COL6A5: variants seen among roughly 807,000 people sequenced by gnomAD.
COL6A5 encodes the protein collagen alpha-5(VI) chain.
In COL6A5, 48 loss-of-function variants were observed where a neutral mutation model predicts 65.6. The ratio of observed to expected loss-of-function variants is 0.73; its 90% CI spans 0.58 to 0.93. The LOEUF (loss-of-function observed/expected upper bound fraction) is 0.93, where lower values mean the gene tolerates loss of function less well. Among genes scored for constraint, COL6A5 ranks in the 40% least tolerant of loss-of-function variants. COL6A5 has a pLI of 0.00. For synonymous variants in COL6A5, 291 were observed against 322.8 expected, an observed-to-expected ratio of 0.90 and a Z score of 1.05; for missense variants, 914 against 928.3, an observed-to-expected ratio of 0.98 and a Z score of 0.20.
intron 4 of COL6A5, among the ~76,000 whole-genome samples, chr3:130,446,847 G>A (rs1241168840): frequency 6.6e-6 from 1 of 152,100 alleles, no homozygotes; most frequent in Non-Finnish European, 1.5e-5. Context: ...CTTCGTTTAA[G>A]GAGAATTTTT....
chr3:130,423,091 G>A (rs775110140), intron 28 of COL6A5, among the ~76,000 whole-genome samples: 21 of 152,004 alleles, frequency 1.4e-4, no homozygotes, highest in East Asian at 3.9e-4. Flanking sequence ...TTTCTAAGGC[G>A]CGTATTAAAT....
chr3:130,371,755 T>C (rs1168241808), intron 1 of COL6A5, among the ~76,000 whole-genome samples: 2 of 152,178 alleles, frequency 1.3e-5, no homozygotes, highest in African/African-American at 4.8e-5. Context: ...TCTTCATGAC[T>C]GTAGGCAATG....
intron 1 of COL6A5, among the ~76,000 whole-genome samples, chr3:130,363,592 C>T: frequency 6.6e-6 from 1 of 152,194 alleles, no homozygotes; most frequent in South Asian, 2.1e-4. Context: ...CTCTTGAGAA[C>T]ATGCCTTGTT....
chr3:130,480,340 C>T (rs181822150), intron 7 of COL6A5, among the ~76,000 whole-genome samples: 13 of 151,816 alleles, frequency 8.6e-5, no homozygotes, highest in Admixed American at 2.6e-4. Flanking sequence ...AGAAGCTTAT[C>T]GTCATAGAAA....
chr3:130,443,120 C>G (rs746882491), intron 3 of COL6A5, among the ~76,000 whole-genome samples: 4 of 152,068 alleles, frequency 2.6e-5, no homozygotes, highest in African/African-American at 9.7e-5. Flanking sequence ...CTGTTTGATC[C>G]GTTAGCGTAA....
exon 8 of COL6A5, chr3:130,395,027 A>T: frequency 6.4e-7 from 1 of 1,551,640 alleles, no homozygotes; most frequent in East Asian, 2.4e-5. Flanking sequence ...AAGAATGAAA[A>T]TTGGTATGGC....
intron 1 of COL6A5, 70 bp from the exon 34 acceptor site, chr3:130,439,452 C>T (rs1435708242): frequency 8.9e-7 from 1 of 1,126,320 alleles, no homozygotes; most frequent in Non-Finnish European, 1.3e-6. Flanking sequence ...TTAAACTAAT[C>T]CTTAAAGTGG....
intron 5 of COL6A5, 65 bp from the exon 38 acceptor site, chr3:130,468,730 C>G: frequency 2.6e-6 from 3 of 1,132,852 alleles, no homozygotes; most frequent in Admixed American, 2.3e-5. Context: ...TATTTGCCAT[C>G]TATGACTAGG....
chr3:130,480,405 A>G (rs561479649), intron 7 of COL6A5, among the ~76,000 whole-genome samples: 22 of 152,168 alleles, frequency 1.4e-4, no homozygotes, highest in African/African-American at 5.3e-4. Context: ...GATTAGGCAA[A>G]TGAAATATTT....
chr3:130,438,153 A>G (rs1846029), intron 1 of COL6A5, among the ~76,000 whole-genome samples: 107,307 of 151,988 alleles, frequency 0.71, 41,428 homozygotes, highest in Non-Finnish European at 0.88. Flanking sequence ...ACATGCCACC[A>G]CACCTGGCTA....
At chr3:130,466,264 A>G (rs985368712) in intron 5 of COL6A5, among the ~76,000 whole-genome samples, 3 of 152,154 alleles carry the variant, frequency 2.0e-5, no homozygotes, top group African/African-American at 4.8e-5. Context: ...AGTGATAGCA[A>G]ATGTGTTCTC....
At chr3:130,383,543 C>A (rs1000623535) in intron 4 of COL6A5, among the ~76,000 whole-genome samples, 6 of 152,020 alleles carry the variant, frequency 3.9e-5, no homozygotes, top group African/African-American at 1.4e-4. Context: ...TTGCAGATAA[C>A]CGCTTATCTT....
chr3:130,412,191 C>T (rs973153005), intron 20 of COL6A5, among the ~76,000 whole-genome samples: 1 of 152,140 alleles, frequency 6.6e-6, no homozygotes, highest in African/African-American at 2.4e-5. Flanking sequence ...ATCTATTTTG[C>T]ACCAGGTCTT....
At chr3:130,359,499 A>G (rs952176754) in intron 1 of COL6A5, among the ~76,000 whole-genome samples, 1 of 152,154 alleles carries the variant, frequency 6.6e-6, no homozygotes, top group African/African-American at 2.4e-5. Context: ...TCATAAGTCT[A>G]TTAAATTTTG....
intron 1 of COL6A5, 134 bp from the exon 2 acceptor site, chr3:130,373,477 G>A: frequency 1.7e-6 from 1 of 573,568 alleles, no homozygotes; most frequent in Non-Finnish European, 3.1e-6. Flanking sequence ...AATGCTTGAT[G>A]AATTTTATAA....
At chr3:130,469,999 A>G (rs1709909584) in intron 6 of COL6A5, among the ~76,000 whole-genome samples, 1 of 152,114 alleles carries the variant, frequency 6.6e-6, no homozygotes, top group South Asian at 2.1e-4. Flanking sequence ...AATAAATAAT[A>G]TCACACTGAC....
intron 23 of COL6A5, among the ~76,000 whole-genome samples, chr3:130,416,454 A>G (rs756551020): frequency 9.9e-5 from 15 of 152,072 alleles, no homozygotes; most frequent in Non-Finnish European, 1.9e-4. Context: ...CATTATGACA[A>G]TTTTCCCACA....
At chr3:130,443,594 A>G (rs776355135) in intron 4 of COL6A5, 28 bp downstream of exon 36, 1 of 1,441,472 alleles carries the variant, frequency 6.9e-7, no homozygotes, top group South Asian at 1.1e-5. Flanking sequence ...TATATTTACA[A>G]GTGACTGCTA....
chr3:130,393,907 A>G (rs1936496053), intron 7 of COL6A5, among the ~76,000 whole-genome samples: 1 of 152,194 alleles, frequency 6.6e-6, no homozygotes, highest in Non-Finnish European at 1.5e-5. Context: ...TGACAGCTAG[A>G]AGCTGTTTAC....
Sources: allele counts gnomAD v4.1 joint callset (sites outside exome capture counted in the v4.1 genomes callset), GRCh38; gene constraint gnomAD v4.1.1; transcripts MANE v1.5; gene names NCBI Gene and HGNC (gene_info 2026-07-23, HGNC 2026-07-21).